WWOX: variants seen among roughly 807,000 people sequenced by gnomAD.
WWOX encodes WW domain-containing oxidoreductase.
In WWOX, 69 loss-of-function variants were observed where a neutral mutation model predicts 46.2. The observed-to-expected ratio is 1.49, with a 90% CI of 1.23 to 1.82. The LOEUF (loss-of-function observed/expected upper bound fraction) is 1.82. Among genes scored for constraint, WWOX ranks in the 40% most tolerant of loss-of-function variants. The pLI is 0.00. For missense variants in WWOX, 919 were observed against 542.6 expected, an observed-to-expected ratio of 1.69 and a Z score of -6.89; for synonymous variants, 359 against 202.6, an observed-to-expected ratio of 1.77 and a Z score of -6.56.
intron 8 of WWOX, among the ~76,000 whole-genome samples, chr16:78,943,616 CTGTG>C (rs1255631880): frequency 6.6e-6 from 1 of 152,194 alleles, no homozygotes. Flanking sequence ...TGGCTCCACT[CTGTG>C]TGGCCCCGTC....
At chr16:78,146,613 C>T (rs1048285442) in intron 4 of WWOX, among the ~76,000 whole-genome samples, 3 of 152,148 alleles carry the variant, frequency 2.0e-5, no homozygotes, top group African/African-American at 7.2e-5. Flanking sequence ...ATCATGGTAT[C>T]CCCAAACAAA....
chr16:78,449,979 A>C (rs1331158821), intron 8 of WWOX, among the ~76,000 whole-genome samples: 2 of 151,908 alleles, frequency 1.3e-5, no homozygotes, highest in Non-Finnish European at 2.9e-5. Flanking sequence ...ACTATATGTA[A>C]TCCTAGGATT....
intron 8 of WWOX, among the ~76,000 whole-genome samples, chr16:78,438,454 C>T (rs2083378923): frequency 7.2e-6 from 1 of 139,754 alleles, no homozygotes; most frequent in South Asian, 2.3e-4. Flanking sequence ...CACCGCCAAC[C>T]CCACCTTTTT....
chr16:79,180,938 T>C (rs2050899140), intron 8 of WWOX, among the ~76,000 whole-genome samples: 1 of 152,252 alleles, frequency 6.6e-6, no homozygotes. Flanking sequence ...TCTTTTTCCC[T>C]ATTCCAGGCA....
chr16:78,978,707 G>A (rs1025416393), intron 8 of WWOX, among the ~76,000 whole-genome samples: 16 of 152,152 alleles, frequency 1.1e-4, no homozygotes, highest in African/African-American at 3.6e-4. Context: ...AACAGAGAGC[G>A]ACTGGGGAGG....
At chr16:79,146,993 G>C (rs1385539936) in intron 8 of WWOX, among the ~76,000 whole-genome samples, 1 of 152,156 alleles carries the variant, frequency 6.6e-6, no homozygotes, top group South Asian at 2.1e-4. Flanking sequence ...TCTTAGCTCA[G>C]TTTCCCCCAG....
rs891549854 is a variant in WWOX at position 79,167,262 on chromosome 16, C to G, written c.1057-44346C>G. ...CGGCCATCAGAAATATTTTATTTCA[C>G]TATTTTAAAAAATTAGCAAAGAAGC... On this transcript the variant is annotated intron_variant, in intron 8 of 8. Transcript: ENST00000566780. Among the ~76,000 whole-genome samples the G allele has an allele frequency of 2.6e-5, 4 of 152,142 alleles. No individual in the cohort carries two copies. In the East Asian group the frequency reaches 5.8e-4, roughly 22 times the overall value.
chr16:78,499,130 G>C (rs2084990816), intron 8 of WWOX, among the ~76,000 whole-genome samples: 2 of 152,244 alleles, frequency 1.3e-5, no homozygotes, highest in South Asian at 4.1e-4. Flanking sequence ...TGAAAACCAT[G>C]TGGGCCCTTC....
chr16:78,908,954 T>C (rs558735542), intron 8 of WWOX, among the ~76,000 whole-genome samples: 6 of 152,226 alleles, frequency 3.9e-5, no homozygotes, highest in Non-Finnish European at 8.8e-5. Flanking sequence ...TTTCTAATCT[T>C]GTGGCTAATT....
intron 5 of WWOX, among the ~76,000 whole-genome samples, chr16:78,242,334 A>G (rs1433794570): frequency 1.3e-5 from 2 of 152,230 alleles, no homozygotes. Flanking sequence ...GTAAAATGAT[A>G]TGCTGTCTTT....
intron 8 of WWOX, among the ~76,000 whole-genome samples, chr16:78,457,326 C>T (rs2083843442): frequency 6.6e-6 from 1 of 152,170 alleles, no homozygotes; most frequent in South Asian, 2.1e-4. Context: ...TCATTCAGTT[C>T]AGATTTGCTA....
intron 8 of WWOX, among the ~76,000 whole-genome samples, chr16:79,096,864 T>C (rs2049085019): frequency 6.6e-6 from 1 of 152,086 alleles, no homozygotes; most frequent in African/African-American, 2.4e-5. Flanking sequence ...AGCCGAGGTT[T>C]GTGCCCAGAA....
chr16:78,885,179 C>G (rs1338409897), intron 8 of WWOX, among the ~76,000 whole-genome samples: 2 of 150,980 alleles, frequency 1.3e-5, no homozygotes, highest in Non-Finnish European at 2.9e-5. Flanking sequence ...GGGGGACTAC[C>G]AATCACTCTC....
chr16:79,014,236 G>C (rs1211401612), intron 8 of WWOX, among the ~76,000 whole-genome samples: 1 of 152,176 alleles, frequency 6.6e-6, no homozygotes, highest in Admixed American at 6.5e-5. Flanking sequence ...TGGGAGTAGT[G>C]GTTAGGGTGG....
intron 8 of WWOX, among the ~76,000 whole-genome samples, chr16:79,142,745 C>T (rs749827667): frequency 4.6e-5 from 7 of 152,164 alleles, no homozygotes; most frequent in African/African-American, 1.4e-4. Context: ...GTTCCCTAGG[C>T]GGGACTGCAG....
Position 79,185,944 on chromosome 16 carries a change from C to A in WWOX, c.1057-25664C>A, listed in dbSNP as rs918043757. Among the ~76,000 whole-genome samples the A allele has an allele frequency of 7.4e-5, 11 of 149,132 alleles. No homozygotes were observed. In the East Asian group the frequency reaches 2.0e-3, roughly 27 times the overall value. ...CATACATTTAGAACAGATGCCATGTCTGTGTGTGTGTGTGTGTGCATGCGT... is the reference window on the plus strand; with the variant it reads ...CATACATTTAGAACAGATGCCATGTATGTGTGTGTGTGTGTGTGCATGCGT... On this transcript the variant is annotated intron_variant, in intron 8 of 8. Transcript: ENST00000566780.
intron 4 of WWOX, among the ~76,000 whole-genome samples, chr16:78,132,091 C>A (rs1242762899): frequency 2.7e-5 from 4 of 145,516 alleles, no homozygotes; most frequent in Admixed American, 7.0e-5. Context: ...GTGGTGCTAT[C>A]TTGGCTCACT....
chr16:78,190,385 C>A lies in WWOX; in HGVS notation c.516+26096C>A, dbSNP rs74027917. ...ACCCCGACCTTGAAATAAGGTGGAA[C>A]TAATAAATCCCGCTTTGTGCTGGAG... On this transcript the variant is annotated intron_variant, in intron 5 of 8. Coordinates refer to ENST00000566780, the MANE Select transcript of WWOX (RefSeq NM_016373.4). Among the ~76,000 whole-genome samples, 578 of 152,252 alleles carry A rather than the reference C, an allele frequency of 3.8e-3. 3 individuals are homozygous for A. The highest frequency in any genetic ancestry group is 0.013 in the African/African-American group (547 of 41,542).
chr16:78,838,891 C>T (rs2052063250), intron 8 of WWOX, among the ~76,000 whole-genome samples: 1 of 151,958 alleles, frequency 6.6e-6, no homozygotes. Flanking sequence ...TAAGTGATTG[C>T]CAGGGACTGG....
Sources: allele counts gnomAD v4.1 joint callset (sites outside exome capture counted in the v4.1 genomes callset), GRCh38; gene constraint gnomAD v4.1.1; transcripts MANE v1.5; gene names NCBI Gene and HGNC (gene_info 2026-07-23, HGNC 2026-07-21).